The following ARHGEF40 variants were observed in gnomAD, a reference collection of about 807,000 sequenced individuals.
ARHGEF40 encodes the protein Rho guanine nucleotide exchange factor 40, also known as Rho guanine nucleotide exchange factor (GEF) 40.
ARHGEF40 carries 98 observed loss-of-function variants against 165.9 expected under a neutral mutation model. The ratio of observed to expected loss-of-function variants is 0.59; its 90% CI spans 0.50 to 0.70. The LOEUF is 0.70. Among genes scored for constraint, ARHGEF40 ranks in the 30% least tolerant of loss-of-function variants. ARHGEF40 has a pLI of 0.00. For synonymous variants in ARHGEF40, 792 were observed against 814.3 expected, an observed-to-expected ratio of 0.97 and a Z score of 0.47; for missense variants, 1,815 against 1,968.0, an observed-to-expected ratio of 0.92 and a Z score of 1.47.
chr14:21,073,939 A>G lies in ARHGEF40; in HGVS notation c.209A>G (p.Tyr70Cys). 1.3e-6 allele frequency: 2 copies of G among 1,599,670 alleles called. No individual in the cohort carries two copies. Among genetic ancestry groups the G allele is most frequent in the Non-Finnish European group, 8.5e-7 (1 of 1,177,564 alleles). Reference protein sequence around the residue: ...AKVQQEACAQYSGFLFFHEGW... With the variant: ...AKVQQEACAQCSGFLFFHEGW... ...TCCCACCTCTCTCCCCAGGCCCAAT[A>G]CAGTGGATTCCTCTTCTTCCATGAG... The change falls in exon 3 of 24, where the codon TAC becomes TGC. Residue 70 changes from tyrosine to cysteine, a missense_variant. Tyr to Cys is a radical substitution (Grantham distance 194). Transcript: ENST00000298694. The surrounding 1 kb of genome is among the most constrained non-coding windows in gnomAD (Gnocchi z 4.6).
chr14:21,067,980 C>CTTTTTTTT (rs1171332473), upstream of ARHGEF40, among the ~76,000 whole-genome samples: 11 of 22,284 alleles, frequency 4.9e-4, 3 homozygotes, highest in Admixed American at 2.0e-3. Flanking sequence ...AGTGGCTCCC[C>CTTTTTTTT]TTTTTTTTTT....
At position 21,082,088 on chromosome 14, in the gene ARHGEF40, A is replaced by G. The variant is rs1566534371; in HGVS notation, c.3220A>G (p.Thr1074Ala). 2 of 1,560,902 alleles carry G rather than the reference A, an allele frequency of 1.3e-6. No homozygotes were observed. Among genetic ancestry groups the G allele is most frequent in the East Asian group, 4.8e-5 (2 of 41,440 alleles). ...GCCAGACGGACCCTGGGGAGTAGGC[A>G]CCCCCCGGATGGAGCGCAAGCGAAG... is the stretch of plus-strand genomic sequence containing the variant. ...RGPDGPWGVG[T>A]PRMERKRSIS... The change falls in exon 14 of 24, where the codon ACC becomes GCC. Residue 1074 changes from threonine to alanine, a missense_variant. Physicochemically the swap from Thr to Ala is moderately conservative, Grantham distance 58. Coordinates refer to ENST00000298694, the MANE Select transcript of ARHGEF40 (RefSeq NM_018071.5).
At chr14:21,063,468 T>G in the ARHGEF40 span, among the ~76,000 whole-genome samples, 1 of 152,274 alleles carries the variant, frequency 6.6e-6, no homozygotes, top group African/African-American at 2.4e-5. Flanking sequence ...GATATAGGTT[T>G]TGTAATTGGG....
Position 21,082,383 on chromosome 14 carries a change from GA to G in ARHGEF40, c.3394del (p.Arg1132GlyfsTer42). 6.2e-7 allele frequency: 1 copy of G among 1,611,756 alleles called. No homozygotes were observed. The highest frequency in any genetic ancestry group is 8.5e-7 in the Non-Finnish European group (1 of 1,179,524). ...CTGGGCTGCTGCCCTGAGTGCCCGG[GA>G]AAGGCTTCGCAGCTTCCACCGGACA... ...GTWAAALSAR[E>X]RLRSFHRTHF... On this transcript the variant is annotated frameshift_variant, in exon 15 of 24. Transcript: ENST00000298694. LOFTEE classifies it high-confidence loss of function.
At chr14:21,086,923 GA>G (rs368412024) in intron 19 of ARHGEF40, 77 bp from the exon 20 acceptor site, 10 of 1,033,146 alleles carry the variant, frequency 9.7e-6, no homozygotes, top group African/African-American at 5.5e-5. Flanking sequence ...AAAAAAAAAA[GA>G]AAAAAATCAA....
Position 21,076,465 on chromosome 14 carries a change from C to A in ARHGEF40, c.1836+9C>A. 1 of 1,614,114 alleles carries A rather than the reference C, an allele frequency of 6.2e-7. No individual in the cohort carries two copies. Among genetic ancestry groups the A allele is most frequent in the Non-Finnish European group, 8.5e-7 (1 of 1,180,000 alleles). On this transcript the variant is annotated intron_variant, in intron 6 of 23. Transcript: ENST00000298694. ...CCTTGAGCCAACTTCAGGTAACCAC[C>A]CCTCAAACAGGCAGTTCCCCTGGAT...
Position 21,073,364 on chromosome 14 carries a change from T to C in ARHGEF40, c.201+122T>C. The C allele has an allele frequency of 8.9e-7, 1 of 1,126,210 alleles. No individual in the cohort carries two copies. Among genetic ancestry groups the C allele is most frequent in the African/African-American group, 1.6e-5 (1 of 64,100 alleles). The allele number at this position is 1,126,210 out of a possible 1,614,324, so 69.8% of individuals were successfully genotyped here. On this transcript the variant is annotated intron_variant, in intron 2 of 23. Transcript: ENST00000298694. The surrounding 1 kb of genome is among the most constrained non-coding windows in gnomAD (Gnocchi z 4.6). ...TACAGCCTCCCTTGAAACCGATCTC[T>C]CCAGAATCACTTAAGCTTCATTCTC...
chr14:21,087,445 G>A lies in ARHGEF40; in HGVS notation c.4369G>A (p.Val1457Ile), dbSNP rs778765177. ...RVEEEAWDLD[V>I]KQISLAPETL... is the part of the protein sequence containing the mutation. ...CGAGGAGGAGGCCTGGGATCTGGACGTCAAGCAAATTTCCCTGGGTGAGGC... is the reference window on the plus strand; with the variant it reads ...CGAGGAGGAGGCCTGGGATCTGGACATCAAGCAAATTTCCCTGGGTGAGGC... Residue 1457 changes from valine to isoleucine, a missense_variant, in exon 21 of 24, where the codon GTC becomes ATC. Val to Ile is a conservative substitution (Grantham distance 29). Coordinates refer to ENST00000298694, the MANE Select transcript of ARHGEF40 (RefSeq NM_018071.5). The A allele has an allele frequency of 2.4e-5, 39 of 1,600,646 alleles. No homozygotes were observed. The highest frequency in any genetic ancestry group is 1.6e-4 in the Middle Eastern group (1 of 6,084).
At position 21,080,725 on chromosome 14, in the gene ARHGEF40, C is replaced by T; in HGVS notation, c.2439C>T (p.Thr813=). 3 of 1,612,038 alleles carry T rather than the reference C, an allele frequency of 1.9e-6. No homozygotes were observed. The highest frequency in any genetic ancestry group is 1.7e-6 in the Non-Finnish European group (2 of 1,179,000). ...QLASFAMPGD[T]LSALQETELR... ...CAAGCTTTGCTATGCCTGGGGACAC[C>T]TTGTCTGCCCTGCAGGAGACAGAGC... The change falls in exon 12 of 24, where the codon ACC becomes ACT. Residue 813 remains threonine (T), a synonymous_variant. Coordinates refer to ENST00000298694, the MANE Select transcript of ARHGEF40 (RefSeq NM_018071.5).
chr14:21,070,203 G>A (rs1171582950), upstream of ARHGEF40: 7 of 342,860 alleles, frequency 2.0e-5, no homozygotes. This position sits in a 1 kb window ranked among gnomAD's most constrained non-coding sequence, Gnocchi z 4.7. Flanking sequence ...TGAAGGGCGG[G>A]GCGGGGAGGG....
At chr14:21,078,151 A>G (rs1489357289) in intron 8 of ARHGEF40, 26 bp from the exon 9 acceptor site, 1 of 1,596,708 alleles carries the variant, frequency 6.3e-7, no homozygotes, top group Non-Finnish European at 8.5e-7. Flanking sequence ...CTGATCCTCA[A>G]CTCCATCCCT....
chr14:21,069,778 A>G (rs981759081), upstream of ARHGEF40, among the ~76,000 whole-genome samples: 34 of 152,314 alleles, frequency 2.2e-4, no homozygotes, highest in African/African-American at 7.9e-4. Context: ...CTAGGCAGGC[A>G]GGGGCCTGAA....
chr14:21,079,521 G>C (rs921445299), intron 11 of ARHGEF40, among the ~76,000 whole-genome samples: 1 of 152,112 alleles, frequency 6.6e-6, no homozygotes, highest in Non-Finnish European at 1.5e-5. Context: ...CAGGAATAAG[G>C]CTGGCTTCTC....
In ARHGEF40 at chr14:21,079,000, G is replaced by T; in HGVS notation, c.2363G>T (p.Arg788Leu). Residue 788 changes from arginine (R) to leucine (L), a missense_variant, in exon 11 of 24, where the codon CGA (arginine) becomes CTA (leucine). Transcript: ENST00000298694. ...QQQEQRQCLR[R>L]LQQVLQWLSG... ...CAAGAGCAGCGGCAGTGCCTGCGGC[G>T]ACTCCAGCAGGTGAGCCAGGATCCC... 2 of 1,612,974 alleles carry T rather than the reference G, an allele frequency of 1.2e-6. No individual in the cohort carries two copies. The highest frequency in any genetic ancestry group is 2.2e-5 in the South Asian group (2 of 90,994).
the ARHGEF40 span, among the ~76,000 whole-genome samples, chr14:21,062,393 C>T: frequency 6.6e-6 from 1 of 152,150 alleles, no homozygotes; most frequent in Non-Finnish European, 1.5e-5. Context: ...CAGAGTGGAA[C>T]CTGGACCTCT....
rs560249117 is a variant in ARHGEF40 at position 21,072,382 on chromosome 14, A to G, written c.4-663A>G. On this transcript the variant is annotated intron_variant, in intron 1 of 23. Coordinates refer to ENST00000298694, the MANE Select transcript of ARHGEF40 (RefSeq NM_018071.5). This position sits in a 1 kb window ranked among gnomAD's most constrained non-coding sequence, Gnocchi z 4.1. The stretch of plus-strand genomic sequence containing the variant: ...CCCCCACCCGATTCTTTGTAATCCA[A>G]TCCCACATGCTCTAAGATTGGGTGA... Among the ~76,000 whole-genome samples, 4 of 152,240 alleles carry G rather than the reference A, an allele frequency of 2.6e-5. No homozygotes were observed. The East Asian group carries it at 7.7e-4, about 29-fold the overall frequency.
chr14:21,071,526 A>G (rs1886864787), intron 1 of ARHGEF40, among the ~76,000 whole-genome samples: 1 of 152,150 alleles, frequency 6.6e-6, no homozygotes. Flanking sequence ...GAGCTGACTC[A>G]GTCTCTCTGG....
intron 7 of ARHGEF40, 62 bp from the exon 8 acceptor site, chr14:21,076,712 C>G (rs1303595709): frequency 6.2e-7 from 1 of 1,609,120 alleles, no homozygotes. Flanking sequence ...TGGCTGGAGC[C>G]CCAGGCTGGT....
At chr14:21,080,517 T>C (rs1404333269) in intron 11 of ARHGEF40, 143 bp from the exon 12 acceptor site, 1 of 933,544 alleles carries the variant, frequency 1.1e-6, no homozygotes, top group Non-Finnish European at 1.6e-6. Context: ...TACCATTCAC[T>C]GTTGTCATTC....
Sources: gnomAD v4.1 joint callset for allele counts (sites outside exome capture counted in the v4.1 genomes callset) on GRCh38, gnomAD v4.1.1 for gene constraint, Gnocchi (gnomAD v3.1) non-coding constraint, MANE v1.5 for transcripts, NCBI Gene and HGNC (gene_info 2026-07-23, HGNC 2026-07-21) for gene names.